The following WNK1 variants were observed in gnomAD, a reference collection of about 807,000 sequenced individuals.
WNK1 encodes the protein WNK lysine deficient protein kinase 1, also known as serine/threonine-protein kinase WNK1.
A neutral mutation model predicts 222.8 loss-of-function variants in WNK1; 38 were observed. That is an observed-to-expected ratio of 0.17 (90% confidence interval 0.13 to 0.22). The LOEUF is 0.22. Among genes scored for constraint, WNK1 ranks in the 10% least tolerant of loss-of-function variants. The pLI is 1.00. For synonymous variants in WNK1, 1,090 were observed against 1,092.9 expected (o/e 1.00, Z 0.05); for missense variants, 2,348 against 2,918.4 (o/e 0.80, Z 4.50).
At chr12:767,255 T>TTTTG in intron 1 of WNK1, among the ~76,000 whole-genome samples, 1 of 134,688 alleles carries the variant, frequency 7.4e-6, no homozygotes, top group African/African-American at 2.9e-5. Flanking sequence ...TTTTTTTTTT[T>TTTTG]TTTTTTTTTT....
In WNK1 at chr12:753,867, C is replaced by A; in HGVS notation, c.302C>A (p.Ser101Tyr). The A allele has an allele frequency of 6.2e-7, 1 of 1,612,578 alleles. No individual in the cohort carries two copies. The highest frequency in any genetic ancestry group is 8.5e-7 in the Non-Finnish European group (1 of 1,179,894). The part of the protein sequence containing the change: ...TALELPGLPL[S>Y]LPQPSIPAAV... ...CTGGAGCTTCCCGGCCTTCCTCTTT[C>A]CCTGCCCCAGCCCAGCATCCCCGCG... The change falls in exon 1 of 28, where the codon TCC (serine) becomes TAC (tyrosine). Residue 101 changes from serine (S) to tyrosine (Y), a missense_variant. Around this residue, in one of 13 missense-constraint regions of WNK1, gnomAD observed 185 missense variants for 159.2 expected, o/e 1.16. Coordinates refer to ENST00000315939, the MANE Select transcript of WNK1 (RefSeq NM_018979.4). The surrounding 1 kb of genome is among the most constrained non-coding windows in gnomAD (Gnocchi z 5.2).
At position 896,661 on chromosome 12, in the gene WNK1, C is replaced by T; in HGVS notation, c.6174C>T (p.Tyr2058=). ...TTAGTAATTCATTTAACTCCTCTTA[C>T]ATGAGTAGCGACAATGAGTCAGATA... ...QSLSNSFNSS[Y]MSSDNESDIE... is the part of the protein sequence containing the mutation. The change falls in exon 24 of 28, where the codon TAC becomes TAT. Residue 2058 remains tyrosine (Y), a synonymous_variant. Transcript: ENST00000315939. The T allele has an allele frequency of 6.2e-7, 1 of 1,610,436 alleles. No individual in the cohort carries two copies. Among genetic ancestry groups the T allele is most frequent in the Non-Finnish European group, 8.5e-7 (1 of 1,179,248 alleles).
chr12:907,733 G>C, intron 26 of WNK1, 114 bp from the exon 27 acceptor site: 2 of 1,287,720 alleles, frequency 1.6e-6, no homozygotes, highest in East Asian at 2.3e-5. Context: ...TGGCTTCCCA[G>C]TTCATCCTCT....
intron 8 of WNK1, among the ~76,000 whole-genome samples, chr12:862,905 T>C (rs916653584): frequency 3.3e-5 from 5 of 152,230 alleles, no homozygotes; most frequent in Non-Finnish European, 7.3e-5. Context: ...AATCAACTTA[T>C]AGAAATTATT....
chr12:785,463 T>C lies in WNK1; in HGVS notation c.760-28179T>C, dbSNP rs1051547752. Among the ~76,000 whole-genome samples, 3 of 124,068 alleles carry C rather than the reference T, an allele frequency of 2.4e-5. No homozygotes were observed. The Admixed American group carries it at 3.2e-4, about 13-fold the overall frequency. 81.4% of individuals were successfully genotyped at this position (124,068 alleles called of 152,430 possible). On this transcript the variant is annotated intron_variant, in intron 1 of 27. Coordinates refer to ENST00000315939, the MANE Select transcript of WNK1 (RefSeq NM_018979.4). ...CACCCAGAGCTGGAGTGCAATGGTGTGATCTTGGCTCACTGCAGCCTCCAC... is the reference window on the plus strand; with the variant it reads ...CACCCAGAGCTGGAGTGCAATGGTGCGATCTTGGCTCACTGCAGCCTCCAC...
intron 2 of WNK1, among the ~76,000 whole-genome samples, chr12:821,949 A>G (rs1947917961): frequency 6.6e-6 from 1 of 151,970 alleles, no homozygotes; most frequent in South Asian, 2.1e-4. Flanking sequence ...TGTAGACAGT[A>G]TATAGTTGGC....
chr12:766,887 C>A (rs527438450), intron 1 of WNK1, among the ~76,000 whole-genome samples: 1 of 152,134 alleles, frequency 6.6e-6, no homozygotes, highest in Admixed American at 6.5e-5. Flanking sequence ...AGTGATTCTC[C>A]TGCCTCAGCC....
At chr12:857,825 C>G (rs1006172995) in intron 5 of WNK1, among the ~76,000 whole-genome samples, 2 of 152,222 alleles carry the variant, frequency 1.3e-5, no homozygotes, top group Admixed American at 1.3e-4. Flanking sequence ...GTAGCTGATT[C>G]ATCACCCGTC....
chr12:868,687 G>A lies in WNK1; in HGVS notation c.2140-2578G>A, dbSNP rs1440709074. 23 of 1,613,760 alleles carry A rather than the reference G, an allele frequency of 1.4e-5. No homozygotes were observed. Among genetic ancestry groups the A allele is most frequent in the Non-Finnish European group, 1.7e-5 (20 of 1,179,906 alleles). On this transcript the variant is annotated intron_variant, in intron 8 of 27. Transcript: ENST00000315939. ...GAGAAGGAGGTGGAATTTTACCTCAGCGTGTTTACCGAAATCGGCAGGTTG... is the reference window on the plus strand; with the variant it reads ...GAGAAGGAGGTGGAATTTTACCTCAACGTGTTTACCGAAATCGGCAGGTTG...
chr12:846,259 T>G (rs529867623), intron 4 of WNK1, among the ~76,000 whole-genome samples: 1 of 152,288 alleles, frequency 6.6e-6, no homozygotes, highest in Non-Finnish European at 1.5e-5. Context: ...TATGCTATAC[T>G]TGTAGTCTTG....
chr12:761,815 A>G (rs985915660), intron 1 of WNK1, among the ~76,000 whole-genome samples: 7 of 147,366 alleles, frequency 4.8e-5, no homozygotes, highest in African/African-American at 1.7e-4. Context: ...GGGAAATGCA[A>G]CAGATTTATC....
At chr12:867,010 CT>C (rs1951729452) in intron 8 of WNK1, among the ~76,000 whole-genome samples, 1 of 152,080 alleles carries the variant, frequency 6.6e-6, no homozygotes, top group Admixed American at 6.5e-5. Flanking sequence ...GTAGTCCCAG[CT>C]ACTTGGGAGG....
chr12:825,468 G>GT (rs1033545649), intron 2 of WNK1, among the ~76,000 whole-genome samples: 1 of 151,922 alleles, frequency 6.6e-6, no homozygotes, highest in Non-Finnish European at 1.5e-5. Context: ...CACAAATAAG[G>GT]TTTTCATATA....
At chr12:770,790 A>G (rs963585251) in intron 1 of WNK1, among the ~76,000 whole-genome samples, 5 of 152,150 alleles carry the variant, frequency 3.3e-5, no homozygotes, top group African/African-American at 1.2e-4. Context: ...TTAAAATATT[A>G]TCTTTTGTTA....
At chr12:902,421 T>C (rs1955346569) in intron 26 of WNK1, among the ~76,000 whole-genome samples, 1 of 152,218 alleles carries the variant, frequency 6.6e-6, no homozygotes. Flanking sequence ...TGAAATCTTA[T>C]TTTTCTTCTC....
chr12:905,038 T>C (rs996961922), intron 26 of WNK1, among the ~76,000 whole-genome samples: 3 of 152,204 alleles, frequency 2.0e-5, no homozygotes, highest in Admixed American at 2.0e-4. Flanking sequence ...CTGTAAGTTA[T>C]GGTTCATAAT....
At chr12:857,529 T>G (rs1950876027) in intron 5 of WNK1, among the ~76,000 whole-genome samples, 3 of 152,242 alleles carry the variant, frequency 2.0e-5, no homozygotes, top group African/African-American at 7.2e-5. Context: ...ATCAGCATGA[T>G]TTATAAAACT....
intron 8 of WNK1, among the ~76,000 whole-genome samples, chr12:870,005 A>G (rs951838033): frequency 6.6e-6 from 1 of 152,204 alleles, no homozygotes; most frequent in Non-Finnish European, 1.5e-5. Context: ...ACTGTTTCAT[A>G]TATTCATTTG....
chr12:845,186 C>T lies in WNK1; in HGVS notation c.1312-11975C>T, dbSNP rs951633100. On this transcript the variant is annotated intron_variant, in intron 4 of 27. Transcript: ENST00000315939. ...CTGGGATTACAGGCGTGAGCCACCG[C>T]GCCCGGCCTGTACCTTCTCTTAAGT... Among the ~76,000 whole-genome samples, 15 of 152,108 alleles carry T rather than the reference C, an allele frequency of 9.9e-5. 1 individual carries two copies. The highest frequency in any genetic ancestry group is 3.2e-3 in the Middle Eastern group (1 of 316).
Sources: gnomAD v4.1 joint callset for allele counts (sites outside exome capture counted in the v4.1 genomes callset) on GRCh38, gnomAD v4.1.1 for gene constraint, gnomAD v4.1.1 regional missense constraint, Gnocchi (gnomAD v3.1) non-coding constraint, MANE v1.5 for transcripts, NCBI Gene and HGNC (gene_info 2026-07-23, HGNC 2026-07-21) for gene names.